The following VPS13B variants were observed in gnomAD, a reference collection of about 807,000 sequenced individuals.
VPS13B encodes vacuolar protein sorting 13 homolog B.
Under a neutral mutation model 426.4 loss-of-function variants are expected in VPS13B, and 285 were observed. The ratio of observed to expected loss-of-function variants is 0.67; its 90% CI spans 0.61 to 0.74. VPS13B has a LOEUF of 0.74. VPS13B is among the 30% of genes least tolerant of loss of function. The pLI is 0.00. For missense variants in VPS13B, 4,537 were observed against 4,782.6 expected, an observed-to-expected ratio of 0.95 and a Z score of 1.51; for synonymous variants, 1,676 against 1,676.4, an observed-to-expected ratio of 1.00 and a Z score of 0.01.
intron 51 of VPS13B, among the ~76,000 whole-genome samples, chr8:99,826,000 G>A: frequency 6.6e-6 from 1 of 152,136 alleles, no homozygotes; most frequent in Non-Finnish European, 1.5e-5. Context: ...AAGTCAGGTA[G>A]CGTGATGCCC....
At chr8:99,561,882 G>T (rs140020350) in intron 31 of VPS13B, among the ~76,000 whole-genome samples, 2 of 152,234 alleles carry the variant, frequency 1.3e-5, no homozygotes, top group African/African-American at 4.8e-5. Flanking sequence ...TGTTGCTATG[G>T]ATATTGCTGT....
chr8:99,550,237 A>G (rs1197808316), intron 30 of VPS13B, among the ~76,000 whole-genome samples: 2 of 152,082 alleles, frequency 1.3e-5, no homozygotes, highest in East Asian at 1.9e-4. Context: ...ACCACTTACT[A>G]CTTTACTAGC....
intron 24 of VPS13B, among the ~76,000 whole-genome samples, chr8:99,478,447 G>GTTTTTTTTTTTTTTTTTTTTTTTTTT (rs56261645): frequency 1.6e-4 from 14 of 85,758 alleles, no homozygotes; most frequent in Non-Finnish European, 1.9e-4. Flanking sequence ...TTTTTGTTTT[G>GTTTTTTTTTTTTTTTTTTTTTTTTTT]TTTTTTTTTT....
chr8:99,464,903 AG>A (rs1746606534), intron 23 of VPS13B, among the ~76,000 whole-genome samples: 1 of 152,126 alleles, frequency 6.6e-6, no homozygotes, highest in African/African-American at 2.4e-5. Flanking sequence ...GATAATATAG[AG>A]GGGTAACAAA....
At chr8:99,279,311 C>T (rs1819051939) in intron 19 of VPS13B, among the ~76,000 whole-genome samples, 1 of 152,146 alleles carries the variant, frequency 6.6e-6, no homozygotes, top group African/African-American at 2.4e-5. Flanking sequence ...ATTTTTTAGA[C>T]AGAACGTTGC....
At chr8:99,060,329 C>T (rs1379176557) in intron 3 of VPS13B, among the ~76,000 whole-genome samples, 1 of 152,108 alleles carries the variant, frequency 6.6e-6, no homozygotes. Flanking sequence ...ATAAATTGGG[C>T]TAGGCGTGGT....
rs148690909 is a variant in VPS13B at position 99,756,421 on chromosome 8, C to T, written c.7051-10353C>T. Among the ~76,000 whole-genome samples, 29 of 152,136 alleles carry T rather than the reference C, an allele frequency of 1.9e-4. No individual in the cohort carries two copies. In the East Asian group the frequency reaches 2.3e-3, roughly 12 times the overall value. On this transcript the variant is annotated intron_variant, in intron 39 of 61. Coordinates refer to ENST00000357162, the MANE Select transcript of VPS13B (RefSeq NM_152564.5). ...GGGAAGTCCCAGGAGAGGAGAGAAA[C>T]GGGAAGAAAGAATATTTGAAGAATA...
intron 3 of VPS13B, among the ~76,000 whole-genome samples, chr8:99,043,874 G>A (rs983324549): frequency 6.6e-6 from 1 of 151,580 alleles, no homozygotes; most frequent in Non-Finnish European, 1.5e-5. Flanking sequence ...TCTCTTTATT[G>A]TGGATCCTGT....
At chr8:99,671,167 T>A (rs1229541482) in intron 35 of VPS13B, among the ~76,000 whole-genome samples, 1 of 152,182 alleles carries the variant, frequency 6.6e-6, no homozygotes, top group Non-Finnish European at 1.5e-5. Context: ...GTCTTTTTGA[T>A]AATAGCCATT....
chr8:99,439,786 A>G (rs1563731162), intron 22 of VPS13B, among the ~76,000 whole-genome samples: 1 of 152,050 alleles, frequency 6.6e-6, no homozygotes. Context: ...GGTAAATAAA[A>G]CCTATCTTAG....
At chr8:99,286,468 A>C (rs1819448801) in intron 19 of VPS13B, among the ~76,000 whole-genome samples, 1 of 152,202 alleles carries the variant, frequency 6.6e-6, no homozygotes, top group Non-Finnish European at 1.5e-5. Context: ...TTTGTTGATC[A>C]GTAATATCAA....
chr8:99,787,613 A>G (rs1183587200), intron 43 of VPS13B, among the ~76,000 whole-genome samples: 1 of 152,172 alleles, frequency 6.6e-6, no homozygotes, highest in East Asian at 1.9e-4. Flanking sequence ...ACATTATGCT[A>G]CGTTGAATCT....
At chr8:99,089,595 A>G (rs762735051) in intron 3 of VPS13B, among the ~76,000 whole-genome samples, 2 of 152,188 alleles carry the variant, frequency 1.3e-5, no homozygotes, top group Non-Finnish European at 2.9e-5. Context: ...GAATTTATCT[A>G]AAGACCTGGA....
At chr8:99,442,303 AT>A in intron 22 of VPS13B, 97 bp from the exon 23 acceptor site, 1 of 1,008,260 alleles carries the variant, frequency 9.9e-7, no homozygotes, top group Non-Finnish European at 1.5e-6. Flanking sequence ...AATATGGAAC[AT>A]TTACTTTTTT....
In VPS13B at chr8:99,853,715, T is replaced by G. The variant is rs2130917205; in HGVS notation, c.10326T>G (p.Ala3442=). 6.2e-7 allele frequency: 1 copy of G among 1,614,250 alleles called. No homozygotes were observed. The highest frequency in any genetic ancestry group is 8.5e-7 in the Non-Finnish European group (1 of 1,180,044). Residue 3442 remains alanine, a synonymous_variant, in exon 56 of 62, where the codon GCT becomes GCG. Transcript: ENST00000357162. ...QLYNKSNFHF[A]VLVCQGEKAE... The stretch of plus-strand genomic sequence containing the variant: ...ATAACAAGTCCAATTTCCACTTTGC[T>G]GTCTTAGTCTGCCAGGGAGAAAAAG...
At chr8:99,122,066 G>A (rs1341780386) in intron 8 of VPS13B, among the ~76,000 whole-genome samples, 1 of 148,750 alleles carries the variant, frequency 6.7e-6, no homozygotes, top group Non-Finnish European at 1.5e-5. Flanking sequence ...TTGCCATGTT[G>A]CCCAGGCTGG....
intron 33 of VPS13B, among the ~76,000 whole-genome samples, chr8:99,598,485 A>T (rs1469366090): frequency 1.3e-5 from 2 of 152,076 alleles, no homozygotes; most frequent in Admixed American, 6.6e-5. Flanking sequence ...AATAGCAAGT[A>T]ATCATCTTAT....
At chr8:99,127,933 T>C (rs372507285) in intron 8 of VPS13B, among the ~76,000 whole-genome samples, 2 of 152,168 alleles carry the variant, frequency 1.3e-5, no homozygotes, top group East Asian at 3.8e-4. Context: ...TTGTGTCTGC[T>C]TCAGTATTCA....
At chr8:99,100,821 T>C (rs1452154394) in intron 4 of VPS13B, among the ~76,000 whole-genome samples, 1 of 151,824 alleles carries the variant, frequency 6.6e-6, no homozygotes, top group East Asian at 2.0e-4. Context: ...GGAGGGCGGA[T>C]CACGAGGTCA....
Sources: allele counts gnomAD v4.1 joint callset (sites outside exome capture counted in the v4.1 genomes callset), GRCh38; gene constraint gnomAD v4.1.1; transcripts MANE v1.5; gene names NCBI Gene and HGNC (gene_info 2026-07-23, HGNC 2026-07-21).